Variants in EPHA6 observed in about 807,000 individuals in gnomAD.
The protein encoded by EPHA6 is EPH receptor A6.
EPHA6 carries 50 observed loss-of-function variants against 112.0 expected under a neutral mutation model. The observed-to-expected ratio is 0.45, with a 90% confidence interval of 0.36 to 0.56. EPHA6 has a LOEUF of 0.56. Ranked by LOEUF, EPHA6 falls within the 20% of genes least tolerant of loss-of-function variation. EPHA6 has a pLI of 0.00. For synonymous variants in EPHA6, 529 were observed against 490.7 expected, an observed-to-expected ratio of 1.08 and a Z score of -1.03; for missense variants, 1,280 against 1,417.4, an observed-to-expected ratio of 0.90 and a Z score of 1.56.
chr3:97,156,758 T>C (rs2076297697), intron 3 of EPHA6, among the ~76,000 whole-genome samples: 1 of 152,146 alleles, frequency 6.6e-6, no homozygotes, highest in Non-Finnish European at 1.5e-5. Context: ...TTAACCTCTT[T>C]TTAATGTCAG....
At position 97,194,528 on chromosome 3, in the gene EPHA6, G is replaced by T. The variant is rs373242837; in HGVS notation, c.1115-31736G>T. Among the ~76,000 whole-genome samples the T allele has an allele frequency of 3.1e-3, 477 of 152,126 alleles. 1 individual carries two copies. The highest frequency in any genetic ancestry group is 0.011 in the African/African-American group (443 of 41,554). On this transcript the variant is annotated intron_variant, in intron 3 of 17. Coordinates refer to ENST00000389672, the MANE Select transcript of EPHA6 (RefSeq NM_001080448.3). ...AGAATGATCTATGTGCTGAAGAGAA[G>T]AATGTGTATTTGCAGCCATTAGATG...
At chr3:96,835,481 G>A (rs979422467) in intron 1 of EPHA6, among the ~76,000 whole-genome samples, 2 of 152,102 alleles carry the variant, frequency 1.3e-5, no homozygotes, top group Non-Finnish European at 2.9e-5. Flanking sequence ...CAAGTGCAAG[G>A]GGATGGAAAA....
intron 10 of EPHA6, among the ~76,000 whole-genome samples, chr3:97,492,957 CAAAA>C (rs1320931260): frequency 6.8e-6 from 1 of 146,364 alleles, no homozygotes; most frequent in Non-Finnish European, 1.5e-5. Context: ...AATTTCTCTT[CAAAA>C]CATAAGCTTT....
In EPHA6 at chr3:97,750,207, A is replaced by T. The variant is rs1220027278; in HGVS notation, c.*1506A>T. ...GTTGTCTAAAGATGCTGATTTAATA[A>T]ATTAGCTTTTGTTGGATCTCAGTGA... On this transcript the variant is annotated 3_prime_UTR_variant, in exon 18 of 18. Coordinates refer to ENST00000389672, the MANE Select transcript of EPHA6 (RefSeq NM_001080448.3). Among the ~76,000 whole-genome samples the T allele has an allele frequency of 6.6e-6, 1 of 152,118 alleles. No individual in the cohort carries two copies. Among genetic ancestry groups the T allele is most frequent in the East Asian group, 1.9e-4 (1 of 5,200 alleles).
intron 11 of EPHA6, among the ~76,000 whole-genome samples, chr3:97,539,122 TTCTTTTTCTTTC>T (rs1297762625): frequency 7.4e-5 from 11 of 148,738 alleles, no homozygotes; most frequent in African/African-American, 2.8e-4. Context: ...CTTTCTTTCT[TTCTTTTTCTTTC>T]TTTCTTTCTT....
chr3:97,182,748 A>T (rs1222689198), intron 3 of EPHA6, among the ~76,000 whole-genome samples: 3 of 152,136 alleles, frequency 2.0e-5, no homozygotes, highest in African/African-American at 4.8e-5. Context: ...TTGATATTTT[A>T]AAAAAGTCTT....
intron 3 of EPHA6, among the ~76,000 whole-genome samples, chr3:97,015,519 G>T (rs893927902): frequency 5.9e-5 from 9 of 152,174 alleles, no homozygotes; most frequent in African/African-American, 1.9e-4. Context: ...AATAAGTGTT[G>T]TAAGGGGAAA....
chr3:96,915,916 G>A (rs1198783053), intron 2 of EPHA6, among the ~76,000 whole-genome samples: 3 of 152,098 alleles, frequency 2.0e-5, no homozygotes, highest in South Asian at 2.1e-4. Context: ...ATCATTGAAT[G>A]TGTCGTATAG....
At position 97,645,198 on chromosome 3, in the gene EPHA6, A is replaced by G. The variant is rs958036646; in HGVS notation, c.2784+7116A>G. The stretch of plus-strand genomic sequence containing the variant: ...CCAAAGGACTATAAATCATGCTGCT[A>G]TAAAGACACATGCACACGTATGTTT... On this transcript the variant is annotated intron_variant, in intron 14 of 17. Transcript: ENST00000389672. Among the ~76,000 whole-genome samples the G allele has an allele frequency of 1.8e-3, 277 of 151,350 alleles. 3 individuals carry two copies. The highest frequency in any genetic ancestry group is 6.3e-3 in the African/African-American group (260 of 41,224).
chr3:97,252,561 A>G lies in EPHA6; in HGVS notation c.1606+8274A>G, dbSNP rs73848578. ...AACCCAGGAATGTGGTCCTACCTGCACTGAGGTCAATATATTCACCTAACC... is the reference window on the plus strand; with the variant it reads ...AACCCAGGAATGTGGTCCTACCTGCGCTGAGGTCAATATATTCACCTAACC... On this transcript the variant is annotated intron_variant, in intron 5 of 17. Transcript: ENST00000389672. Among the ~76,000 whole-genome samples, 635 of 152,234 alleles carry G rather than the reference A, an allele frequency of 4.2e-3. 3 individuals are homozygous for G. The highest frequency in any genetic ancestry group is 5.1e-3 in the Non-Finnish European group (344 of 68,004).
At chr3:97,181,243 T>A (rs1049544273) in intron 3 of EPHA6, among the ~76,000 whole-genome samples, 1 of 152,076 alleles carries the variant, frequency 6.6e-6, no homozygotes, top group African/African-American at 2.4e-5. Context: ...CTGCACAGGG[T>A]GGAGAAGGGT....
chr3:97,553,764 C>G (rs2093063496), intron 11 of EPHA6, among the ~76,000 whole-genome samples: 1 of 152,084 alleles, frequency 6.6e-6, no homozygotes, highest in African/African-American at 2.4e-5. Context: ...ATACTCTGGT[C>G]AGGATGTCAC....
chr3:97,188,647 C>A (rs995758529), intron 3 of EPHA6, among the ~76,000 whole-genome samples: 1 of 151,110 alleles, frequency 6.6e-6, no homozygotes, highest in Non-Finnish European at 1.5e-5. Flanking sequence ...TGAAATATTT[C>A]TTAAATAAAG....
At chr3:97,128,866 T>C (rs1438545744) in intron 3 of EPHA6, among the ~76,000 whole-genome samples, 1 of 142,470 alleles carries the variant, frequency 7.0e-6, no homozygotes, top group South Asian at 2.1e-4. Flanking sequence ...ACCTGAATTT[T>C]TATGTCTTTT....
chr3:96,855,015 G>C (rs921610087), intron 1 of EPHA6, among the ~76,000 whole-genome samples: 4 of 152,078 alleles, frequency 2.6e-5, no homozygotes, highest in African/African-American at 9.7e-5. Flanking sequence ...CCATTCTGGA[G>C]GTTCTAGGAG....
intron 5 of EPHA6, among the ~76,000 whole-genome samples, chr3:97,262,203 A>G (rs1231521660): frequency 6.6e-6 from 1 of 152,172 alleles, no homozygotes; most frequent in Non-Finnish European, 1.5e-5. Context: ...CTTGGAGTGC[A>G]TGAGCTTTTC....
chr3:97,575,141 A>G (rs1247356679), intron 11 of EPHA6, among the ~76,000 whole-genome samples: 3 of 152,148 alleles, frequency 2.0e-5, no homozygotes, highest in African/African-American at 7.2e-5. Context: ...GAACATTGTC[A>G]TTTACTCTTG....
intron 2 of EPHA6, among the ~76,000 whole-genome samples, chr3:96,966,617 T>C (rs2042129104): frequency 6.6e-6 from 1 of 152,048 alleles, no homozygotes; most frequent in African/African-American, 2.4e-5. Flanking sequence ...GTAAATAAGG[T>C]TGTTATGTAT....
chr3:97,716,574 CAAAA>C (rs1218426459), intron 14 of EPHA6, among the ~76,000 whole-genome samples: 1 of 37,268 alleles, frequency 2.7e-5, no homozygotes, highest in African/African-American at 1.7e-4. Flanking sequence ...GACTCCGTCT[CAAAA>C]AAAAAAAAAA....
Sources: allele counts gnomAD v4.1 joint callset (sites outside exome capture counted in the v4.1 genomes callset), GRCh38; gene constraint gnomAD v4.1.1; transcripts MANE v1.5; gene names NCBI Gene and HGNC (gene_info 2026-07-23, HGNC 2026-07-21).